TASP1: variants seen among roughly 807,000 people sequenced by gnomAD.
The protein encoded by TASP1 is taspase 1, also known as threonine aspartase 1.
Under a neutral mutation model 56.6 loss-of-function variants are expected in TASP1, and 16 were observed. The ratio of observed to expected loss-of-function variants is 0.28; its 90% CI spans 0.19 to 0.43. The LOEUF is 0.43. Ranked by LOEUF, TASP1 falls within the 20% of genes least tolerant of loss-of-function variation. The probability of loss-of-function intolerance (pLI) is 1.00; values close to 1 mark genes in which losing one functional copy is unlikely to be tolerated. For synonymous variants in TASP1, 179 were observed against 184.2 expected (o/e 0.97, Z 0.23); for missense variants, 393 against 511.6 (o/e 0.77, Z 2.24).
chr20:13,160,072 C>T, the TASP1 span: 5 of 1,613,600 alleles, frequency 3.1e-6, no homozygotes, highest in East Asian at 2.2e-5. Context: ...CCACTCCCCT[C>T]GCAGAAGCTC....
chr20:13,628,280 G>A (rs1358237092), intron 2 of TASP1, among the ~76,000 whole-genome samples: 1 of 152,162 alleles, frequency 6.6e-6, no homozygotes, highest in Non-Finnish European at 1.5e-5. Context: ...GTTATTGCTT[G>A]TTACAACTTT....
At chr20:13,392,691 CCAA>C in intron 13 of TASP1, 1 of 533,466 alleles carries the variant, frequency 1.9e-6, no homozygotes, top group Admixed American at 2.0e-5. Context: ...AAGGTGAAGG[CCAA>C]AGTAAAAAGA....
At chr20:13,143,316 A>G in the TASP1 span, among the ~76,000 whole-genome samples, 5 of 152,192 alleles carry the variant, frequency 3.3e-5, no homozygotes, top group Admixed American at 2.0e-4. Context: ...ATATTTGTGA[A>G]CCATAGAATT....
At chr20:13,153,977 T>C in the TASP1 span, 9 of 1,610,828 alleles carry the variant, frequency 5.6e-6, no homozygotes, top group Admixed American at 1.3e-4. Flanking sequence ...TGGGAATTGA[T>C]GGATTTCACG....
At chr20:13,164,232 G>T in the TASP1 span, 1 of 412,212 alleles carries the variant, frequency 2.4e-6, no homozygotes. Flanking sequence ...GTCCCTGTGA[G>T]TTAAGTTCTA....
the TASP1 span, among the ~76,000 whole-genome samples, chr20:13,226,659 T>C: frequency 1.3e-5 from 2 of 152,230 alleles, no homozygotes; most frequent in Non-Finnish European, 2.9e-5. Flanking sequence ...ATTTGTCTGA[T>C]AGTTGGTGCT....
the TASP1 span, among the ~76,000 whole-genome samples, chr20:13,252,335 A>C: frequency 6.6e-6 from 1 of 152,208 alleles, no homozygotes; most frequent in African/African-American, 2.4e-5. Context: ...ACCTTCATAC[A>C]TGAATCATTG....
chr20:13,264,555 C>A, the TASP1 span, among the ~76,000 whole-genome samples: 11 of 152,218 alleles, frequency 7.2e-5, no homozygotes, highest in Admixed American at 2.6e-4. Context: ...ACCTCACTCC[C>A]TCTCTTTTGT....
chr20:13,284,824 A>AC, the TASP1 span, among the ~76,000 whole-genome samples: 1 of 152,010 alleles, frequency 6.6e-6, no homozygotes, highest in Non-Finnish European at 1.5e-5. Flanking sequence ...TATGAAAAAA[A>AC]TGTTTGGAAA....
chr20:13,624,637 T>C (rs2048823686), intron 3 of TASP1, among the ~76,000 whole-genome samples: 1 of 152,116 alleles, frequency 6.6e-6, no homozygotes, highest in African/African-American at 2.4e-5. Flanking sequence ...AAACAAACAT[T>C]TCTTCTGAGT....
At chr20:13,206,081 G>C in the TASP1 span, among the ~76,000 whole-genome samples, 1 of 152,132 alleles carries the variant, frequency 6.6e-6, no homozygotes, top group Non-Finnish European at 1.5e-5. Context: ...GGGAGTCCTT[G>C]GCATCTATCC....
the TASP1 span, among the ~76,000 whole-genome samples, chr20:13,351,734 A>T: frequency 6.6e-6 from 1 of 152,184 alleles, no homozygotes. Context: ...CTATACTTGT[A>T]GCATACTGTA....
intron 11 of TASP1, among the ~76,000 whole-genome samples, chr20:13,464,399 T>C (rs1366341937): frequency 3.9e-5 from 6 of 152,172 alleles, no homozygotes; most frequent in African/African-American, 1.4e-4. Flanking sequence ...AACTTGGACT[T>C]CTAGCCTCCT....
chr20:13,364,055 C>A, the TASP1 span, among the ~76,000 whole-genome samples: 1 of 150,892 alleles, frequency 6.6e-6, no homozygotes, highest in Non-Finnish European at 1.5e-5. Flanking sequence ...TTTTTTCTTC[C>A]AAATATGCAT....
the TASP1 span, among the ~76,000 whole-genome samples, chr20:13,383,802 G>A: frequency 4.6e-5 from 7 of 152,202 alleles, no homozygotes; most frequent in Non-Finnish European, 5.9e-5. Context: ...ACTGAGTTAC[G>A]TTAAGCTCAA....
At chr20:13,116,531 A>G in the TASP1 span, among the ~76,000 whole-genome samples, 1 of 151,920 alleles carries the variant, frequency 6.6e-6, no homozygotes, top group Non-Finnish European at 1.5e-5. Flanking sequence ...CATAGACTAC[A>G]TTTTTTTCCC....
chr20:13,305,130 C>T, the TASP1 span, among the ~76,000 whole-genome samples: 2 of 149,782 alleles, frequency 1.3e-5, no homozygotes, highest in African/African-American at 5.0e-5. Context: ...GATAAATCTA[C>T]CAAAGAAGAG....
intron 4 of TASP1, among the ~76,000 whole-genome samples, chr20:13,622,130 G>A (rs1475835304): frequency 6.6e-6 from 1 of 152,182 alleles, no homozygotes; most frequent in Non-Finnish European, 1.5e-5. Flanking sequence ...CCTCATAACT[G>A]TAATAATTGC....
At chr20:13,473,337 T>A (rs1479329885) in intron 11 of TASP1, among the ~76,000 whole-genome samples, 1 of 110,580 alleles carries the variant, frequency 9.0e-6, no homozygotes, top group African/African-American at 3.4e-5. Flanking sequence ...GGGCCTGTTG[T>A]GGGGTGGGGG....
Sources: allele counts gnomAD v4.1 joint callset (sites outside exome capture counted in the v4.1 genomes callset), GRCh38; gene constraint gnomAD v4.1.1; transcripts MANE v1.5; gene names NCBI Gene and HGNC (gene_info 2026-07-23, HGNC 2026-07-21).